Variants in FAM167A observed in about 807,000 individuals in gnomAD.
FAM167A encodes family with sequence similarity 167 member A, also known as protein FAM167A.
Under a neutral mutation model 14.9 loss-of-function variants are expected in FAM167A, and 23 were observed. That is an observed-to-expected ratio of 1.55 (90% CI 1.11 to 2.19). FAM167A has a LOEUF of 2.19. FAM167A is among the 30% of genes most tolerant of loss of function. The pLI is 0.00. For synonymous variants in FAM167A, 174 were observed against 117.7 expected, an observed-to-expected ratio of 1.48 and a Z score of -3.10; for missense variants, 401 against 281.5, an observed-to-expected ratio of 1.42 and a Z score of -3.04.
chr8:11,449,554 G>C (rs1257672502), intron 1 of FAM167A, among the ~76,000 whole-genome samples: 1 of 152,214 alleles, frequency 6.6e-6, no homozygotes, highest in Non-Finnish European at 1.5e-5. Context: ...AGGGGCCGGA[G>C]AAGGAAGCCA....
intron 2 of FAM167A, among the ~76,000 whole-genome samples, chr8:11,426,712 C>T (rs982556819): frequency 9.9e-5 from 15 of 152,212 alleles, no homozygotes; most frequent in Admixed American, 2.0e-4. Flanking sequence ...AAGAGACAAA[C>T]GATTGCATTC....
intron 1 of FAM167A, among the ~76,000 whole-genome samples, chr8:11,448,193 T>TAA (rs34728701): frequency 2.2e-5 from 3 of 135,582 alleles, no homozygotes; most frequent in African/African-American, 8.4e-5. Context: ...GACTCTGTCT[T>TAA]AAAAAAAAAA....
intron 1 of FAM167A, among the ~76,000 whole-genome samples, chr8:11,463,107 G>A (rs751604018): frequency 6.6e-6 from 1 of 152,218 alleles, no homozygotes; most frequent in Admixed American, 6.5e-5. Context: ...GTCCAAAAAT[G>A]TGTACGTCTG....
At chr8:11,433,366 G>T (rs763528927) in intron 2 of FAM167A, among the ~76,000 whole-genome samples, 64 of 152,038 alleles carry the variant, frequency 4.2e-4, no homozygotes, top group Non-Finnish European at 6.9e-4. Flanking sequence ...TCCAACAAAA[G>T]TCTTACCCGA....
intron 1 of FAM167A, among the ~76,000 whole-genome samples, chr8:11,447,090 C>T (rs1433031795): frequency 6.6e-6 from 1 of 152,230 alleles, no homozygotes; most frequent in African/African-American, 2.4e-5. Context: ...ACTGGGCTAC[C>T]ACTGCTGGGT....
At chr8:11,442,155 C>A (rs1305346829) in intron 2 of FAM167A, among the ~76,000 whole-genome samples, 5 of 152,218 alleles carry the variant, frequency 3.3e-5, no homozygotes, top group Non-Finnish European at 7.3e-5. Flanking sequence ...CACGGTTGTG[C>A]CTCACCCTGG....
chr8:11,444,655 C>G lies in FAM167A; in HGVS notation c.-244G>C. ...GATCCGTCCTGGAAGCCTGTGGGTGCCATGCTCCACAGAAGGCAGGAACAG... is the reference window on the plus strand; with the variant it reads ...GATCCGTCCTGGAAGCCTGTGGGTGGCATGCTCCACAGAAGGCAGGAACAG... On this transcript the variant is annotated 5_prime_UTR_variant, in exon 2 of 3. Coordinates refer to ENST00000284486, the MANE Select transcript of FAM167A (RefSeq NM_053279.3). The G allele has an allele frequency of 2.3e-6, 3 of 1,288,328 alleles. No homozygotes were observed. Among genetic ancestry groups the G allele is most frequent in the Non-Finnish European group, 2.9e-6 (3 of 1,019,540 alleles). The allele number at this position is 1,288,328 out of a possible 1,614,324, so 79.8% of individuals were successfully genotyped here. A position where few individuals can be genotyped will look rare whatever the true frequency, so the allele number is the denominator to read the frequency against.
chr8:11,456,459 T>TGTATGTGTGAGTGCTTGGGGG (rs1807314822), intron 1 of FAM167A, among the ~76,000 whole-genome samples: 1 of 115,382 alleles, frequency 8.7e-6, no homozygotes. Context: ...CTTGCCCTGC[T>TGTATGTGTGAGTGCTTGGGGG]GTATGTGTGA....
intron 1 of FAM167A, among the ~76,000 whole-genome samples, chr8:11,449,681 GC>G (rs1806945098): frequency 2.0e-5 from 3 of 152,224 alleles, no homozygotes; most frequent in African/African-American, 7.2e-5. Flanking sequence ...GTGGGGACAA[GC>G]CCTTGGGGGG....
intron 2 of FAM167A, chr8:11,435,020 T>C (rs545287351): frequency 1.1e-3 from 488 of 456,800 alleles, no homozygotes; most frequent in Non-Finnish European, 1.5e-3. Flanking sequence ...GCCTCCTCCC[T>C]GCCTGCCTCC....
intron 2 of FAM167A, among the ~76,000 whole-genome samples, chr8:11,443,087 G>A (rs1376774976): frequency 6.6e-6 from 1 of 152,236 alleles, no homozygotes; most frequent in East Asian, 1.9e-4. Flanking sequence ...CTCACCTGTG[G>A]CCAGAGTGGC....
rs147154428 is a variant in FAM167A, at chr8:11,444,139, G to A, written c.273C>T (p.His91=). ...PLLPLREAGQ[H]PPSARSASQG... is the part of the protein sequence containing the mutation. ...GGCTGGCACTCCTGGCAGAAGGGGG[G>A]TGCTGCCCAGCCTCTCTCAGGGGGA... The change falls in exon 2 of 3, where the codon CAC becomes CAT. Residue 91 remains histidine, a synonymous_variant. Transcript: ENST00000284486. 21 of 1,612,976 alleles carry A rather than the reference G, an allele frequency of 1.3e-5. No homozygotes were observed. Among genetic ancestry groups the A allele is most frequent in the Non-Finnish European group, 1.7e-5 (20 of 1,179,934 alleles).
chr8:11,465,470 C>A (rs978298544), intron 1 of FAM167A, among the ~76,000 whole-genome samples: 3 of 152,140 alleles, frequency 2.0e-5, no homozygotes, highest in Admixed American at 2.0e-4. Flanking sequence ...CCAAGGGATG[C>A]GAAGGGTTTC....
intron 1 of FAM167A, among the ~76,000 whole-genome samples, chr8:11,466,024 C>A (rs547984077): frequency 7.9e-5 from 12 of 152,264 alleles, no homozygotes; most frequent in African/African-American, 2.4e-4. Context: ...ACCCTCCCCC[C>A]CGCCGTCTGT....
intron 2 of FAM167A, among the ~76,000 whole-genome samples, chr8:11,426,167 T>C (rs1248917904): frequency 6.6e-6 from 1 of 152,184 alleles, no homozygotes; most frequent in Non-Finnish European, 1.5e-5. Flanking sequence ...CAACTGGCAA[T>C]AAAAATATCT....
At chr8:11,450,582 G>T (rs533596223) in intron 1 of FAM167A, among the ~76,000 whole-genome samples, 1 of 152,238 alleles carries the variant, frequency 6.6e-6, no homozygotes, top group South Asian at 2.1e-4. Context: ...TTACACCCAG[G>T]GCCTTTGTCA....
chr8:11,449,480 G>GC (rs1228577751), intron 1 of FAM167A, among the ~76,000 whole-genome samples: 4 of 152,150 alleles, frequency 2.6e-5, no homozygotes, highest in African/African-American at 9.7e-5. Flanking sequence ...GGGAGGAAGA[G>GC]CCCCCCAACA....
intron 2 of FAM167A, among the ~76,000 whole-genome samples, chr8:11,431,956 C>A (rs192544038): frequency 2.0e-5 from 3 of 149,758 alleles, no homozygotes; most frequent in African/African-American, 7.4e-5. Context: ...AGAGGCTGGC[C>A]GGGGTGACTC....
intron 1 of FAM167A, among the ~76,000 whole-genome samples, chr8:11,472,700 T>C (rs73535722): frequency 0.016 from 2,402 of 152,288 alleles, 77 homozygotes; most frequent in African/African-American, 0.054. Context: ...GAAAGAGCCC[T>C]GAGTAGGAGC....
Sources: gnomAD v4.1 joint callset for allele counts (sites outside exome capture counted in the v4.1 genomes callset) on GRCh38, gnomAD v4.1.1 for gene constraint, MANE v1.5 for transcripts, NCBI Gene and HGNC (gene_info 2026-07-23, HGNC 2026-07-21) for gene names.